CDH18: variants seen among roughly 807,000 people sequenced by gnomAD.
CDH18 encodes cadherin 18, also known as cadherin-18.
A neutral mutation model predicts 67.9 loss-of-function variants in CDH18; 31 were observed. The ratio of observed to expected loss-of-function variants is 0.46; its 90% CI spans 0.34 to 0.62. The LOEUF is 0.62. Ranked by LOEUF, CDH18 falls within the 20% of genes least tolerant of loss-of-function variation. CDH18 has a pLI of 0.01. For missense variants in CDH18, 890 were observed against 975.5 expected (o/e 0.91, Z 1.17); for synonymous variants, 362 against 347.2 (o/e 1.04, Z -0.48).
chr5:19,636,743 T>C (rs1167898011), intron 5 of CDH18, among the ~76,000 whole-genome samples: 1 of 152,068 alleles, frequency 6.6e-6, no homozygotes, highest in Non-Finnish European at 1.5e-5. Flanking sequence ...CATCAGAATT[T>C]TCTCATGCTA....
rs1374982870 is a variant in CDH18, at chr5:20,256,900, T to A, written c.-579-1395A>T. Among the ~76,000 whole-genome samples the A allele has an allele frequency of 2.0e-5, 3 of 150,814 alleles. No homozygotes were observed. The East Asian group carries it at 5.9e-4, about 30-fold the overall frequency. On this transcript the variant is annotated intron_variant, in intron 1 of 14. Transcript: ENST00000507958. ...ATGGGCTGTGATGTTCTGGAAGTAC[T>A]AAGAGAAAAACGAGATTTGTAGTAG... is the stretch of plus-strand genomic sequence containing the variant.
chr5:20,101,124 T>A (rs75834109), intron 2 of CDH18, among the ~76,000 whole-genome samples: 1 of 151,876 alleles, frequency 6.6e-6, no homozygotes, highest in African/African-American at 2.4e-5. Flanking sequence ...CTTTTTTTTT[T>A]CTTCAGTTTT....
chr5:19,572,725 T>G (rs1483418636), intron 7 of CDH18, among the ~76,000 whole-genome samples: 3 of 152,178 alleles, frequency 2.0e-5, no homozygotes, highest in Non-Finnish European at 4.4e-5. Flanking sequence ...TACCTAATTA[T>G]GTACCAAAGA....
chr5:20,526,706 A>T (rs1162557342), intron 1 of CDH18, among the ~76,000 whole-genome samples: 2 of 152,050 alleles, frequency 1.3e-5, no homozygotes, highest in Non-Finnish European at 2.9e-5. Context: ...CAAAAACAAC[A>T]ACAACACAAC....
intron 2 of CDH18, among the ~76,000 whole-genome samples, chr5:20,175,508 G>C (rs968639243): frequency 1.3e-5 from 2 of 152,100 alleles, no homozygotes; most frequent in African/African-American, 4.8e-5. Context: ...GAATAGGTTT[G>C]CCAAAGTTTG....
intron 10 of CDH18, among the ~76,000 whole-genome samples, chr5:19,520,296 T>C (rs1000726): frequency 0.099 from 15,113 of 152,158 alleles, 1,023 homozygotes; most frequent in Non-Finnish European, 0.13. Context: ...TCCTCCAAAA[T>C]AGAGCTAGTC....
In CDH18 at chr5:20,381,947, A is replaced by G. The variant is rs115759504; in HGVS notation, c.-579-126442T>C. Among the ~76,000 whole-genome samples the G allele has an allele frequency of 8.5e-3, 1,298 of 152,234 alleles. 8 individuals carry two copies. Among genetic ancestry groups the G allele is most frequent in the Non-Finnish European group, 0.015 (1,023 of 67,990 alleles). On this transcript the variant is annotated intron_variant, in intron 1 of 14. Transcript: ENST00000507958. The stretch of plus-strand genomic sequence containing the variant: ...TAAATATAATAATTAAAAATGAAAG[A>G]TAATATGTAGAACAATTAAATTGTC...
chr5:20,010,110 G>A (rs1437951043), intron 2 of CDH18, among the ~76,000 whole-genome samples: 2 of 67,340 alleles, frequency 3.0e-5, no homozygotes, highest in African/African-American at 5.9e-5. Context: ...CATGAATGAT[G>A]GATTAGTCTA....
At chr5:20,047,435 T>C (rs1416081417) in intron 2 of CDH18, among the ~76,000 whole-genome samples, 1 of 151,870 alleles carries the variant, frequency 6.6e-6, no homozygotes, top group Non-Finnish European at 1.5e-5. Context: ...GAAAACACTA[T>C]AGTAGAAATG....
chr5:19,624,883 T>C (rs1751279773), intron 5 of CDH18, among the ~76,000 whole-genome samples: 1 of 152,148 alleles, frequency 6.6e-6, no homozygotes, highest in African/African-American at 2.4e-5. Flanking sequence ...TGTGAGATCA[T>C]GAAGAGTGGC....
intron 1 of CDH18, among the ~76,000 whole-genome samples, chr5:20,563,820 A>C (rs2126653236): frequency 6.6e-6 from 1 of 152,256 alleles, no homozygotes; most frequent in East Asian, 1.9e-4. Flanking sequence ...TAGTAGTCAC[A>C]AAAGAGCTCC....
intron 2 of CDH18, among the ~76,000 whole-genome samples, chr5:20,076,849 T>C (rs1743988640): frequency 6.6e-6 from 1 of 152,148 alleles, no homozygotes; most frequent in African/African-American, 2.4e-5. Flanking sequence ...TAATTGTCAC[T>C]TTATTTTATG....
intron 1 of CDH18, among the ~76,000 whole-genome samples, chr5:20,374,725 T>C (rs1743274669): frequency 6.6e-6 from 1 of 152,186 alleles, no homozygotes; most frequent in Admixed American, 6.5e-5. Flanking sequence ...TAACTTTGAA[T>C]GTTCTTTCAC....
At chr5:19,994,778 GAGAGAGAGAGAGAGAT>G (rs1735823759) in intron 2 of CDH18, among the ~76,000 whole-genome samples, 1 of 83,706 alleles carries the variant, frequency 1.2e-5, no homozygotes, top group African/African-American at 5.4e-5. Flanking sequence ...GAGAGAGAGA[GAGAGAGAGAGAGAGAT>G]GTACATGTGT....
At chr5:19,782,871 A>G (rs1378139324) in intron 3 of CDH18, among the ~76,000 whole-genome samples, 2 of 152,220 alleles carry the variant, frequency 1.3e-5, no homozygotes, top group East Asian at 3.9e-4. Flanking sequence ...ATTACTCAGT[A>G]TATCAGAAAA....
At chr5:20,566,251 C>T (rs996094600) in intron 1 of CDH18, among the ~76,000 whole-genome samples, 4 of 152,010 alleles carry the variant, frequency 2.6e-5, no homozygotes, top group African/African-American at 7.2e-5. Flanking sequence ...AGGAAGGAAG[C>T]TTCCGTTGTT....
At chr5:20,437,887 A>T (rs1397953080) in intron 1 of CDH18, among the ~76,000 whole-genome samples, 1 of 151,406 alleles carries the variant, frequency 6.6e-6, no homozygotes, top group Non-Finnish European at 1.5e-5. Flanking sequence ...ATAGAATAAA[A>T]TGTTCACATT....
Position 19,782,653 on chromosome 5 carries a change from G to A in CDH18, c.229-35417C>T, listed in dbSNP as rs533331090. ...GCAGAATATCTGCATTTACATGAGC[G>A]CACTTAGACTTATTTATGCTGTGAT... On this transcript the variant is annotated intron_variant, in intron 3 of 12. Coordinates refer to ENST00000382275, the MANE Select transcript of CDH18 (RefSeq NM_004934.5). Among the ~76,000 whole-genome samples, 6 of 152,230 alleles carry A rather than the reference G, an allele frequency of 3.9e-5. No homozygotes were observed. In the East Asian group the frequency reaches 7.7e-4, roughly 20 times the overall value.
intron 2 of CDH18, among the ~76,000 whole-genome samples, chr5:19,840,698 G>A (rs887470825): frequency 6.6e-6 from 1 of 151,938 alleles, no homozygotes; most frequent in African/African-American, 2.4e-5. Flanking sequence ...ATGAAACTCT[G>A]TCTCAAAAAA....
Sources: allele counts gnomAD v4.1 joint callset (sites outside exome capture counted in the v4.1 genomes callset), GRCh38; gene constraint gnomAD v4.1.1; transcripts MANE v1.5; gene names NCBI Gene and HGNC (gene_info 2026-07-23, HGNC 2026-07-21).